CSMD3: variants seen among roughly 807,000 people sequenced by gnomAD.
CSMD3 encodes the protein CUB and sushi domain-containing protein 3.
CSMD3 carries 177 observed loss-of-function variants against 435.2 expected under a neutral mutation model. The ratio of observed to expected loss-of-function variants is 0.41; its 90% CI spans 0.36 to 0.46. The LOEUF is 0.46. Ranked by LOEUF, CSMD3 falls within the 20% of genes least tolerant of loss-of-function variation. The pLI is 0.34. For synonymous variants in CSMD3, 1,656 were observed against 1,520.5 expected (o/e 1.09, Z -2.07); for missense variants, 4,265 against 4,504.6 (o/e 0.95, Z 1.52).
At chr8:112,447,720 A>G (rs11989763) in intron 32 of CSMD3, among the ~76,000 whole-genome samples, 2,666 of 152,284 alleles carry the variant, frequency 0.018, 81 homozygotes, top group African/African-American at 0.061. Context: ...TTGTGCACAA[A>G]AATAACTGTT....
rs1370374803 is a variant in CSMD3, at chr8:112,647,564, CCAAAGT to C, written c.3194-2345_3194-2340del. ...CTCATGATCCTCCCGCCTCTGCCTCCCAAAGTGCTGGGATTACAGGCGTAAGCCACC... is the reference window on the plus strand; with the variant it reads ...CTCATGATCCTCCCGCCTCTGCCTCCGCTGGGATTACAGGCGTAAGCCACC... On this transcript the variant is annotated intron_variant, in intron 19 of 70. Transcript: ENST00000297405. Among the ~76,000 whole-genome samples, 30 of 152,284 alleles carry C rather than the reference CCAAAGT, an allele frequency of 2.0e-4. 1 individual carries two copies. The highest frequency in any genetic ancestry group is 6.3e-4 in the African/African-American group (26 of 41,572).
intron 7 of CSMD3, among the ~76,000 whole-genome samples, chr8:112,960,458 ACTAGAGGTATC>A (rs2084185953): frequency 6.6e-6 from 1 of 151,800 alleles, no homozygotes; most frequent in South Asian, 2.1e-4. Context: ...TAAAAAAGTG[ACTAGAGGTATC>A]CTGCAACAAT....
At chr8:113,422,480 G>A (rs1358105451) in intron 1 of CSMD3, among the ~76,000 whole-genome samples, 1 of 152,044 alleles carries the variant, frequency 6.6e-6, no homozygotes, top group Admixed American at 6.6e-5. Context: ...CAATCAATAT[G>A]GTATTCCTCT....
In CSMD3 at chr8:113,318,936, T is replaced by C. The variant is rs73339736; in HGVS notation, c.179-4143A>G. Among the ~76,000 whole-genome samples the C allele has an allele frequency of 3.5e-3, 533 of 152,046 alleles. 2 individuals carry two copies. The highest frequency in any genetic ancestry group is 0.012 in the African/African-American group (496 of 41,490). On this transcript the variant is annotated intron_variant, in intron 1 of 70. Coordinates refer to ENST00000297405, the MANE Select transcript of CSMD3 (RefSeq NM_198123.2). ...ATATATACACATTTCATTTTCTTTATCAATTTATCTCTCAACGTGTATCTA... is the reference window on the plus strand; with the variant it reads ...ATATATACACATTTCATTTTCTTTACCAATTTATCTCTCAACGTGTATCTA...
At chr8:112,286,799 AAT>A (rs1399870999) in intron 58 of CSMD3, among the ~76,000 whole-genome samples, 1 of 152,104 alleles carries the variant, frequency 6.6e-6, no homozygotes, top group Non-Finnish European at 1.5e-5. Flanking sequence ...ATTTTTAACA[AAT>A]ATATATTACT....
chr8:112,973,937 G>T (rs2084752057), intron 7 of CSMD3, among the ~76,000 whole-genome samples: 1 of 151,808 alleles, frequency 6.6e-6, no homozygotes, highest in Non-Finnish European at 1.5e-5. Flanking sequence ...TCCATATAAT[G>T]TTTTACATCT....
intron 5 of CSMD3, among the ~76,000 whole-genome samples, chr8:113,019,672 C>T (rs1055360202): frequency 3.7e-5 from 3 of 80,730 alleles, no homozygotes; most frequent in Non-Finnish European, 4.2e-5. Flanking sequence ...GTTACAAAAT[C>T]GAAAGACCTC....
intron 58 of CSMD3, among the ~76,000 whole-genome samples, chr8:112,285,355 T>C (rs1819080769): frequency 6.6e-6 from 1 of 152,120 alleles, no homozygotes; most frequent in Non-Finnish European, 1.5e-5. Context: ...TACTGTATTT[T>C]ACTCAGCACT....
intron 16 of CSMD3, among the ~76,000 whole-genome samples, chr8:112,669,930 G>T (rs1340999071): frequency 6.6e-6 from 1 of 152,104 alleles, no homozygotes; most frequent in Non-Finnish European, 1.5e-5. Context: ...TTGAACAAAG[G>T]CAGTTTGACT....
In CSMD3 at chr8:112,859,248, T is replaced by A. The variant is rs1383471153; in HGVS notation, c.1652A>T (p.Asn551Ile). 6.2e-7 allele frequency: 1 copy of A among 1,611,206 alleles called. No individual in the cohort carries two copies. Among genetic ancestry groups the A allele is most frequent in the Non-Finnish European group, 8.5e-7 (1 of 1,177,886 alleles). ...PVCKVKTCGS[N>I]LQGPSGTFTS... The stretch of plus-strand genomic sequence containing the variant: ...AAAGGTACCACTTGGTCCTTGAAGA[T>A]TAGAGCCACACGTTTTCACTAAAAG... Residue 551 changes from asparagine (N) to isoleucine (I), a missense_variant, in exon 11 of 71, where the codon AAT becomes ATT. Coordinates refer to ENST00000297405, the MANE Select transcript of CSMD3 (RefSeq NM_198123.2).
At chr8:113,071,491 G>A (rs1187670881) in intron 5 of CSMD3, among the ~76,000 whole-genome samples, 2 of 151,842 alleles carry the variant, frequency 1.3e-5, no homozygotes, top group African/African-American at 4.8e-5. Flanking sequence ...GTTGATATTT[G>A]CATATGGTGT....
intron 4 of CSMD3, among the ~76,000 whole-genome samples, chr8:113,129,314 G>A (rs2091224301): frequency 6.6e-6 from 1 of 152,056 alleles, no homozygotes; most frequent in Non-Finnish European, 1.5e-5. Context: ...TGGGATTCAG[G>A]GAGTATAATA....
chr8:112,752,104 C>T (rs2077584251), intron 13 of CSMD3, among the ~76,000 whole-genome samples: 2 of 152,138 alleles, frequency 1.3e-5, no homozygotes, highest in Admixed American at 1.3e-4. Context: ...TCTGGCAAAA[C>T]TAAATAAGTT....
At chr8:112,709,267 C>A (rs558283388) in intron 13 of CSMD3, among the ~76,000 whole-genome samples, 2 of 152,124 alleles carry the variant, frequency 1.3e-5, no homozygotes, top group South Asian at 4.2e-4. Context: ...TGGCCCCAAA[C>A]CAAAATTATT....
chr8:113,038,986 A>G (rs879807417), intron 5 of CSMD3, among the ~76,000 whole-genome samples: 1 of 152,174 alleles, frequency 6.6e-6, no homozygotes, highest in East Asian at 1.9e-4. Context: ...CAGCCCAGAT[A>G]TAATTTTTGT....
At position 112,281,255 on chromosome 8, in the gene CSMD3, C is replaced by T. The variant is rs1818601692; in HGVS notation, c.9427G>A (p.Glu3143Lys). The change falls in exon 59 of 71, where the codon GAG (glutamate) becomes AAG (lysine). Residue 3143 changes from glutamate (E) to lysine (K), a missense_variant. Transcript: ENST00000297405. ...FSSSVIYSCM[E>K]GYILSGPSVR... is the part of the protein sequence containing the mutation. ...GAAGGTCCAGAAAGGATGTATCCCT[C>T]CATGCAGGAATAAATGACTGAACTA... 17 of 1,612,410 alleles carry T rather than the reference C, an allele frequency of 1.1e-5. No homozygotes were observed. Among genetic ancestry groups the T allele is most frequent in the Non-Finnish European group, 1.4e-5 (17 of 1,178,590 alleles).
At chr8:113,377,103 G>C (rs1361247513) in intron 1 of CSMD3, 1 of 1,274,424 alleles carries the variant, frequency 7.8e-7, no homozygotes, top group Non-Finnish European at 1.0e-6. Context: ...ACTCCCCCAA[G>C]GGCTGCGGCG....
At chr8:112,303,833 A>G (rs567653734) in intron 52 of CSMD3, among the ~76,000 whole-genome samples, 2 of 152,232 alleles carry the variant, frequency 1.3e-5, no homozygotes, top group Non-Finnish European at 2.9e-5. Context: ...CTTAATCATA[A>G]TAACCCTAGG....
chr8:113,339,551 A>C (rs919684607), intron 1 of CSMD3, among the ~76,000 whole-genome samples: 1 of 152,042 alleles, frequency 6.6e-6, no homozygotes, highest in African/African-American at 2.4e-5. Context: ...AGGAGAAATA[A>C]TATAATTTGA....
Sources: gnomAD v4.1 joint callset for allele counts (sites outside exome capture counted in the v4.1 genomes callset) on GRCh38, gnomAD v4.1.1 for gene constraint, MANE v1.5 for transcripts, NCBI Gene and HGNC (gene_info 2026-07-23, HGNC 2026-07-21) for gene names.